C8orf34: variants seen among roughly 807,000 people sequenced by gnomAD.
C8orf34 encodes uncharacterized protein C8orf34.
C8orf34 carries 65 observed loss-of-function variants against 68.3 expected under a neutral mutation model. That is an observed-to-expected ratio of 0.95 (90% CI 0.78 to 1.17). The LOEUF (loss-of-function observed/expected upper bound fraction) is 1.17, where lower values mean the gene tolerates loss of function less well. Ranked by LOEUF, C8orf34 falls within the 50% of genes most tolerant of loss-of-function variation. C8orf34 has a pLI of 0.00. For synonymous variants in C8orf34, 244 were observed against 241.2 expected (o/e 1.01, Z -0.11); for missense variants, 664 against 655.4 (o/e 1.01, Z -0.14).
intron 8 of C8orf34, among the ~76,000 whole-genome samples, chr8:68,686,647 A>G (rs993416263): frequency 3.3e-5 from 5 of 152,124 alleles, no homozygotes; most frequent in African/African-American, 1.2e-4. Context: ...GAATTTATAT[A>G]TGAAACACCC....
intron 7 of C8orf34, among the ~76,000 whole-genome samples, chr8:68,627,298 G>A (rs752341141): frequency 2.0e-5 from 3 of 151,864 alleles, no homozygotes; most frequent in African/African-American, 7.3e-5. Context: ...TTCTCCTACT[G>A]CCCCTCAAAA....
chr8:68,603,839 C>G (rs1290217202), intron 7 of C8orf34, among the ~76,000 whole-genome samples: 1 of 152,018 alleles, frequency 6.6e-6, no homozygotes, highest in African/African-American at 2.4e-5. Context: ...TCAAATTACA[C>G]TAAAGATCTG....
chr8:68,600,820 C>T (rs893435511), intron 7 of C8orf34, among the ~76,000 whole-genome samples: 1 of 152,090 alleles, frequency 6.6e-6, no homozygotes, highest in African/African-American at 2.4e-5. Context: ...TTATTGTTAA[C>T]CATAGTCACT....
At chr8:68,427,835 G>A (rs1434745609) in intron 1 of C8orf34, among the ~76,000 whole-genome samples, 2 of 151,538 alleles carry the variant, frequency 1.3e-5, no homozygotes, top group Non-Finnish European at 2.9e-5. Flanking sequence ...ACATTTCTTT[G>A]CAATTTCTTG....
intron 3 of C8orf34, among the ~76,000 whole-genome samples, chr8:68,452,029 G>A (rs1409862174): frequency 6.6e-6 from 1 of 151,858 alleles, no homozygotes; most frequent in Non-Finnish European, 1.5e-5. Flanking sequence ...TATCTACATT[G>A]TGGTGGTATG....
intron 7 of C8orf34, among the ~76,000 whole-genome samples, chr8:68,595,134 A>AG (rs1219114298): frequency 6.6e-6 from 1 of 151,286 alleles, no homozygotes; most frequent in Admixed American, 6.6e-5. Context: ...AAAAAAAAAA[A>AG]AAATTTTTTT....
At chr8:68,547,147 GA>G (rs1055100927) in intron 7 of C8orf34, among the ~76,000 whole-genome samples, 1 of 151,692 alleles carries the variant, frequency 6.6e-6, no homozygotes, top group African/African-American at 2.4e-5. Context: ...TACTGGCAAA[GA>G]AAAAAGTAGA....
chr8:68,708,977 C>G lies in C8orf34; in HGVS notation c.1242-17C>G. 6.4e-7 allele frequency: 1 copy of G among 1,558,980 alleles called. No homozygotes were observed. The highest frequency in any genetic ancestry group is 8.8e-7 in the Non-Finnish European group (1 of 1,134,374). Reference sequence around the variant, plus strand: ...TAACATTATGAGATGTTTCAATGATCATTTTTAATTATTTAGGCTTCAAGG... The same window carrying G: ...TAACATTATGAGATGTTTCAATGATGATTTTTAATTATTTAGGCTTCAAGG... On this transcript the variant is annotated splice_polypyrimidine_tract_variant and intron_variant, in intron 8 of 13. Coordinates refer to ENST00000518698, the MANE Select transcript of C8orf34 (RefSeq NM_052958.4).
chr8:68,418,761 G>A (rs1586096427), intron 1 of C8orf34, among the ~76,000 whole-genome samples: 1 of 152,030 alleles, frequency 6.6e-6, no homozygotes, highest in Non-Finnish European at 1.5e-5. Context: ...ATGGTGCTGG[G>A]AAAACTGGCT....
At chr8:68,617,135 T>G (rs1292831186) in intron 7 of C8orf34, among the ~76,000 whole-genome samples, 3 of 152,326 alleles carry the variant, frequency 2.0e-5, no homozygotes, top group Non-Finnish European at 2.9e-5. Context: ...GTTTTCCATT[T>G]GCTTGGTAGA....
rs150471317 is a variant in C8orf34, at chr8:68,736,210, A to G, written c.1404+14773A>G. On this transcript the variant is annotated intron_variant, in intron 10 of 13. Transcript: ENST00000518698. ...AATGGTCGACTTTTGATGTGTTTTC[A>G]TACTGTCAGTAAAATAGACTGTAGC... Among the ~76,000 whole-genome samples, 556 of 152,330 alleles carry G rather than the reference A, an allele frequency of 3.6e-3. 2 individuals are homozygous for G. Among genetic ancestry groups the G allele is most frequent in the Admixed American group, 9.1e-3 (139 of 15,292 alleles).
chr8:68,428,916 C>T (rs1810339120), intron 1 of C8orf34, among the ~76,000 whole-genome samples: 2 of 152,084 alleles, frequency 1.3e-5, no homozygotes, highest in Admixed American at 1.3e-4. Context: ...ATAACACCTA[C>T]CTCACCCCAT....
chr8:68,662,171 C>G (rs1488634247), intron 8 of C8orf34, among the ~76,000 whole-genome samples: 1 of 152,052 alleles, frequency 6.6e-6, no homozygotes, highest in African/African-American at 2.4e-5. Context: ...AGGAAATGCA[C>G]AGCAAACAAA....
At chr8:68,599,452 A>T (rs1318017466) in intron 7 of C8orf34, among the ~76,000 whole-genome samples, 1 of 152,064 alleles carries the variant, frequency 6.6e-6, no homozygotes, top group East Asian at 1.9e-4. Context: ...TTGAAATCAA[A>T]ATTTACAAGC....
intron 1 of C8orf34, among the ~76,000 whole-genome samples, chr8:68,375,959 C>A (rs777641278): frequency 2.0e-5 from 3 of 152,132 alleles, no homozygotes; most frequent in African/African-American, 7.2e-5. Context: ...CTTCCATCAA[C>A]CCAACCGTTT....
intron 9 of C8orf34, among the ~76,000 whole-genome samples, chr8:68,713,351 AC>A (rs1821378762): frequency 6.7e-6 from 1 of 148,460 alleles, no homozygotes; most frequent in Non-Finnish European, 1.5e-5. Context: ...AACTGAAAGA[AC>A]AAAAAAAATA....
chr8:68,754,287 C>T (rs138020285), intron 10 of C8orf34, among the ~76,000 whole-genome samples: 206 of 152,224 alleles, frequency 1.4e-3, no homozygotes, highest in African/African-American at 4.6e-3. Flanking sequence ...ATCCTGAAAG[C>T]GTTACTTTTA....
At chr8:68,653,471 C>A (rs1297892294) in intron 8 of C8orf34, among the ~76,000 whole-genome samples, 1 of 152,132 alleles carries the variant, frequency 6.6e-6, no homozygotes, top group East Asian at 1.9e-4. Context: ...TAGCTACTGT[C>A]TTAATCTGTT....
chr8:68,501,541 A>G (rs889682331), intron 5 of C8orf34, among the ~76,000 whole-genome samples: 1 of 152,194 alleles, frequency 6.6e-6, no homozygotes, highest in Non-Finnish European at 1.5e-5. Flanking sequence ...TGCTGCCAGC[A>G]CTATGCCTTT....
Sources: allele counts gnomAD v4.1 joint callset (sites outside exome capture counted in the v4.1 genomes callset), GRCh38; gene constraint gnomAD v4.1.1; transcripts MANE v1.5; gene names NCBI Gene and HGNC (gene_info 2026-07-23, HGNC 2026-07-21).